The following SRGAP2 variants were observed in gnomAD, a reference collection of about 807,000 sequenced individuals.
SRGAP2 encodes the protein SLIT-ROBO Rho GTPase-activating protein 2.
SRGAP2 carries 15 observed loss-of-function variants against 57.2 expected under a neutral mutation model. The ratio of observed to expected loss-of-function variants is 0.26; its 90% CI spans 0.18 to 0.40. The LOEUF is 0.40. SRGAP2 is among the 10% of genes least tolerant of loss of function. The probability of loss-of-function intolerance (pLI) is 1.00; values close to 1 mark genes in which losing one functional copy is unlikely to be tolerated. For missense variants in SRGAP2, 520 were observed against 669.6 expected (o/e 0.78, Z 2.47); for synonymous variants, 249 against 248.0 (o/e 1.00, Z -0.04).
rs1664241237 is a variant in SRGAP2 at position 206,461,198 on chromosome 1, C to G, written c.2994C>G (p.Thr998=). 1 of 780,640 alleles carries G rather than the reference C, an allele frequency of 1.3e-6. No homozygotes were observed. Among genetic ancestry groups the G allele is most frequent in the South Asian group, 1.3e-5 (1 of 74,602 alleles). The allele number at this position is 780,640 out of a possible 1,614,324, so 48.4% of individuals were successfully genotyped here. ...PTSEPSSPLH[T]QLLKDPEPAF... is the part of the protein sequence containing the mutation. The stretch of plus-strand genomic sequence containing the variant: ...CAGAGCCCTCCAGCCCTCTGCACAC[C>G]CAGCTCCTCAAGGACCCCGAGCCCG... The change falls in exon 23 of 23, where the codon ACC becomes ACG. Residue 998 remains threonine (T), a synonymous_variant. Transcript: ENST00000573034.
At chr1:206,443,509 G>A (rs1383666365) in intron 17 of SRGAP2, among the ~76,000 whole-genome samples, 2 of 152,038 alleles carry the variant, frequency 1.3e-5, no homozygotes, top group Non-Finnish European at 2.9e-5. Flanking sequence ...CGAGTAGCTG[G>A]GATTACAGGT....
At chr1:206,304,682 GAAC>G (rs1460732019) in intron 3 of SRGAP2, among the ~76,000 whole-genome samples, 1 of 147,074 alleles carries the variant, frequency 6.8e-6, no homozygotes, top group Admixed American at 6.8e-5. Context: ...AATCTTCCTG[GAAC>G]ACACTGGCGA....
At chr1:206,344,078 A>C (rs1374990936) in intron 4 of SRGAP2, among the ~76,000 whole-genome samples, 3 of 152,166 alleles carry the variant, frequency 2.0e-5, no homozygotes, top group Non-Finnish European at 4.4e-5. Context: ...ATACAGTCAA[A>C]GCTCTTGATC....
chr1:206,437,735 A>G (rs535588274), intron 15 of SRGAP2: 2 of 523,546 alleles, frequency 3.8e-6, no homozygotes, highest in South Asian at 2.5e-5. Flanking sequence ...GGCACAAGAG[A>G]GTTTATATTG....
At chr1:206,351,172 G>A (rs1457989834) in intron 4 of SRGAP2, among the ~76,000 whole-genome samples, 4 of 152,132 alleles carry the variant, frequency 2.6e-5, no homozygotes, top group Non-Finnish European at 5.9e-5. Context: ...CATTTTGGGT[G>A]GTGTGATGGT....
Position 206,429,958 on chromosome 1 carries a change from A to T in SRGAP2, c.1495-204A>T, listed in dbSNP as rs144301898. On this transcript the variant is annotated intron_variant, in intron 13 of 22. Coordinates refer to ENST00000573034, the MANE Select transcript of SRGAP2 (RefSeq NM_015326.5). ...GAAGATGATCAGTTTTGTTTAGGAC[A>T]TGCTAACTTTAAGGCATCTGTGTAG... 6.8e-4 allele frequency among the ~76,000 whole-genome samples: 104 copies of T among 152,320 alleles called. 1 individual carries two copies. The East Asian group carries it at 0.016, about 23-fold the overall frequency.
chr1:206,409,848 C>T (rs2103184839), intron 10 of SRGAP2, among the ~76,000 whole-genome samples: 1 of 151,368 alleles, frequency 6.6e-6, no homozygotes, highest in Admixed American at 6.6e-5. Context: ...CCTGTAATCC[C>T]AGCACTTTGG....
chr1:206,429,252 T>C (rs1243314847), intron 13 of SRGAP2, among the ~76,000 whole-genome samples: 3 of 152,230 alleles, frequency 2.0e-5, no homozygotes, highest in Non-Finnish European at 4.4e-5. Context: ...TAGTACCTGT[T>C]AGTCCCCACT....
At chr1:206,370,109 C>CA (rs1654388195) in intron 4 of SRGAP2, among the ~76,000 whole-genome samples, 1 of 150,510 alleles carries the variant, frequency 6.6e-6, no homozygotes, top group African/African-American at 2.4e-5. Flanking sequence ...ACTAAAAATA[C>CA]AAAAAAATTG....
chr1:206,432,450 C>A (rs1661355954), intron 14 of SRGAP2, among the ~76,000 whole-genome samples: 1 of 152,180 alleles, frequency 6.6e-6, no homozygotes, highest in African/African-American at 2.4e-5. Context: ...ACATCTCCAA[C>A]AATACAAAAA....
At chr1:206,402,061 T>C (rs1160418906) in intron 8 of SRGAP2, among the ~76,000 whole-genome samples, 10 of 150,656 alleles carry the variant, frequency 6.6e-5, no homozygotes, top group Non-Finnish European at 1.5e-4. Flanking sequence ...CTAGAAGAAA[T>C]GAGAGCTGAG....
intron 2 of SRGAP2, among the ~76,000 whole-genome samples, chr1:206,247,097 T>TGGA (rs1668543350): frequency 7.2e-6 from 1 of 138,798 alleles, no homozygotes; most frequent in Non-Finnish European, 1.6e-5. Flanking sequence ...CCAGCAGCAT[T>TGGA]TCACTTTTAA....
intron 3 of SRGAP2, among the ~76,000 whole-genome samples, chr1:206,319,029 A>G (rs1419203373): frequency 4.6e-5 from 7 of 152,306 alleles, no homozygotes; most frequent in African/African-American, 1.7e-4. Flanking sequence ...TTTATGATAT[A>G]CTGATTAATG....
At position 206,432,805 on chromosome 1, in the gene SRGAP2, A is replaced by C. The variant is rs145794405; in HGVS notation, c.1555+2583A>C. 2.0e-3 allele frequency among the ~76,000 whole-genome samples: 312 copies of C among 152,350 alleles called. 3 individuals are homozygous for C. Among genetic ancestry groups the C allele is most frequent in the African/African-American group, 7.3e-3 (305 of 41,576 alleles). ...ATCAGAGCTTAGCCTAGCCTGCCTTAAATGTGCTCAGAACATGTACATTGG... is the reference window on the plus strand; with the variant it reads ...ATCAGAGCTTAGCCTAGCCTGCCTTCAATGTGCTCAGAACATGTACATTGG... On this transcript the variant is annotated intron_variant, in intron 14 of 22. Coordinates refer to ENST00000573034, the MANE Select transcript of SRGAP2 (RefSeq NM_015326.5).
At chr1:206,267,384 G>A (rs1278571930) in intron 2 of SRGAP2, among the ~76,000 whole-genome samples, 2 of 151,134 alleles carry the variant, frequency 1.3e-5, no homozygotes, top group Non-Finnish European at 2.9e-5. Context: ...CTTTAGGATC[G>A]AGTATGAACG....
At position 206,432,873 on chromosome 1, in the gene SRGAP2, G is replaced by C. The variant is rs60026698; in HGVS notation, c.1555+2651G>C. The stretch of plus-strand genomic sequence containing the variant: ...TCATCTGGCAACACTATACACTGTA[G>C]AGTATGTGTTGTTTACCCTGGTAAT... On this transcript the variant is annotated intron_variant, in intron 14 of 22. Coordinates refer to ENST00000573034, the MANE Select transcript of SRGAP2 (RefSeq NM_015326.5). Among the ~76,000 whole-genome samples, 813 of 152,338 alleles carry C rather than the reference G, an allele frequency of 5.3e-3. 6 individuals are homozygous for C. The highest frequency in any genetic ancestry group is 0.018 in the African/African-American group (758 of 41,572).
chr1:206,365,975 C>T (rs1653967495), intron 4 of SRGAP2, among the ~76,000 whole-genome samples: 1 of 152,058 alleles, frequency 6.6e-6, no homozygotes, highest in Non-Finnish European at 1.5e-5. Flanking sequence ...ACAAGGAGCT[C>T]TTTTTTCTAG....
chr1:206,450,499 C>T lies in SRGAP2; in HGVS notation c.2179+34C>T, dbSNP rs782281703. The stretch of plus-strand genomic sequence containing the variant: ...CCCTGCTTCCTGGTCAGTGGGGACG[C>T]CAGGGGTGAGGCAGAAGGAAGTGAT... On this transcript the variant is annotated intron_variant, in intron 19 of 22. Transcript: ENST00000573034. 5 of 779,472 alleles carry T rather than the reference C, an allele frequency of 6.4e-6. No individual in the cohort carries two copies. The South Asian group carries it at 6.7e-5, about 10-fold the overall frequency. The allele number at this position is 779,472 out of a possible 1,614,324, so 48.3% of individuals were successfully genotyped here. A position where few individuals can be genotyped will look rare whatever the true frequency, so the allele number is the denominator to read the frequency against.
In SRGAP2 at chr1:206,395,923, G is replaced by T. The variant is rs570721894; in HGVS notation, c.831+2250G>T. ...AGAGGCTGCCTTAGTACTTGGCAGGGTGTGGGTCTAGATCACTGGGATCAA... is the reference window on the plus strand; with the variant it reads ...AGAGGCTGCCTTAGTACTTGGCAGGTTGTGGGTCTAGATCACTGGGATCAA... On this transcript the variant is annotated intron_variant, in intron 7 of 22. Transcript: ENST00000573034. 9.7e-3 allele frequency among the ~76,000 whole-genome samples: 1,455 copies of T among 149,596 alleles called. 22 individuals are homozygous for T. The highest frequency in any genetic ancestry group is 0.034 in the African/African-American group (1,372 of 40,264).
Sources: gnomAD v4.1 joint callset for allele counts (sites outside exome capture counted in the v4.1 genomes callset) on GRCh38, gnomAD v4.1.1 for gene constraint, MANE v1.5 for transcripts, NCBI Gene and HGNC (gene_info 2026-07-23, HGNC 2026-07-21) for gene names.